Variants in FCRL5 observed in about 807,000 individuals in gnomAD.
FCRL5 encodes the protein Fc receptor-like protein 5.
FCRL5 carries 79 observed loss-of-function variants against 92.1 expected under a neutral mutation model. The observed-to-expected ratio is 0.86, with a 90% confidence interval of 0.72 to 1.03. The LOEUF is 1.03. FCRL5 is among the 50% of genes least tolerant of loss of function. The pLI is 0.00. For synonymous variants in FCRL5, 466 were observed against 469.3 expected (o/e 0.99, Z 0.09); for missense variants, 1,160 against 1,181.1 (o/e 0.98, Z 0.26).
intron 5 of FCRL5, 118 bp from the exon 6 acceptor site, chr1:157,543,255 CCA>C (rs1341524819): frequency 2.1e-6 from 2 of 959,502 alleles, no homozygotes; most frequent in Non-Finnish European, 3.1e-6. Flanking sequence ...GCCATCAGAA[CCA>C]CACACCCTTA....
At position 157,546,275 on chromosome 1, in the gene FCRL5, C is replaced by T. The variant is rs555672445; in HGVS notation, c.307+668G>A. The T allele has an allele frequency of 3.7e-5, 17 of 454,058 alleles. No homozygotes were observed. In the East Asian group the frequency reaches 1.2e-3, roughly 32 times the overall value. 28.1% of individuals were successfully genotyped at this position (454,058 alleles called of 1,614,324 possible). On this transcript the variant is annotated intron_variant, in intron 3 of 16. Transcript: ENST00000361835. ...TTAGCCTGGGCAGCATGAGGAAATC[C>T]CATCTCTGCTAAGAATACAAAAATT...
At position 157,518,878 on chromosome 1, in the gene FCRL5, G is replaced by T. The variant is rs901048584; in HGVS notation, c.2661-96C>A. ...AGTGACTTCTTACTGCAGGGTGGCTGCCAGGCCTGGAAACATGAACAAGTA... is the reference window on the plus strand; with the variant it reads ...AGTGACTTCTTACTGCAGGGTGGCTTCCAGGCCTGGAAACATGAACAAGTA... On this transcript the variant is annotated intron_variant, in intron 13 of 16. Transcript: ENST00000361835. The T allele has an allele frequency of 9.8e-6, 9 of 919,880 alleles. No homozygotes were observed. In the African/African-American group the frequency reaches 1.2e-4, roughly 12 times the overall value. 57.0% of individuals were successfully genotyped at this position (919,880 alleles called of 1,614,324 possible).
chr1:157,534,472 C>A (rs1466806029), intron 8 of FCRL5, 142 bp downstream of exon 8: 1 of 972,450 alleles, frequency 1.0e-6, no homozygotes, highest in South Asian at 1.4e-5. Context: ...CGGAAAACCC[C>A]AGCTAGTTAG....
intron 12 of FCRL5, among the ~76,000 whole-genome samples, chr1:157,519,992 T>A (rs1650103540): frequency 6.6e-6 from 1 of 152,230 alleles, no homozygotes; most frequent in Admixed American, 6.5e-5. Context: ...CGTAATCCTT[T>A]AACCTGGAGA....
intron 8 of FCRL5, chr1:157,534,263 AT>A (rs1650830014): frequency 1.5e-6 from 1 of 669,228 alleles, no homozygotes. Context: ...ATATTTATCT[AT>A]AAGACTGTGC....
At chr1:157,537,773 C>T (rs1260319731) in intron 7 of FCRL5, among the ~76,000 whole-genome samples, 1 of 152,144 alleles carries the variant, frequency 6.6e-6, no homozygotes, top group East Asian at 1.9e-4. Context: ...GACCAGCTGA[C>T]ACTTAGGGAA....
chr1:157,529,409 G>T (rs965865294), intron 8 of FCRL5, among the ~76,000 whole-genome samples: 20 of 152,120 alleles, frequency 1.3e-4, no homozygotes, highest in African/African-American at 4.8e-4. Flanking sequence ...AGAACTAAAA[G>T]TAGAACTACC....
chr1:157,521,977 A>G (rs113851024), intron 10 of FCRL5: 43 of 152,244 alleles, frequency 2.8e-4, no homozygotes, highest in African/African-American at 1.0e-3. Flanking sequence ...GAGACAACCT[A>G]CTGGATTGGG....
At chr1:157,524,252 T>A in intron 10 of FCRL5, 27 bp downstream of exon 10, 1 of 1,613,250 alleles carries the variant, frequency 6.2e-7, no homozygotes. Context: ...TTCTCAGATG[T>A]GCTGCTGGTG....
rs1403026160 is a variant in FCRL5 at position 157,520,533 on chromosome 1, T to C, written c.2530A>G (p.Arg844Gly). ...ACTCCTGTGGCAAAAGGGCCACTTCTGTTCGCGGTCAGCCCTGAGGGGGAG... is the reference window on the plus strand; with the variant it reads ...ACTCCTGTGGCAAAAGGGCCACTTCCGTTCGCGGTCAGCCCTGAGGGGGAG... ...TLYITGLTANRSGPFATGVAG... is the reference protein window; with the variant it reads ...TLYITGLTANGSGPFATGVAG... Residue 844 changes from arginine to glycine, a missense_variant, in exon 12 of 17, where the codon AGA (arginine) becomes GGA (glycine). Coordinates refer to ENST00000361835, the MANE Select transcript of FCRL5 (RefSeq NM_031281.3). 5 of 1,583,562 alleles carry C rather than the reference T, an allele frequency of 3.2e-6. No homozygotes were observed. The highest frequency in any genetic ancestry group is 3.4e-6 in the Non-Finnish European group (4 of 1,165,082).
In FCRL5 at chr1:157,549,542, A is replaced by G. The variant is rs1248596618; in HGVS notation, c.52+18T>C. The stretch of plus-strand genomic sequence containing the variant: ...TCTTAACCAGAGACGCTGAAGAGCC[A>G]AAGACAGGAGAACTCACCAAACTGT... On this transcript the variant is annotated intron_variant, in intron 2 of 16. Transcript: ENST00000361835. The G allele has an allele frequency of 1.2e-6, 2 of 1,611,202 alleles. No homozygotes were observed. The highest frequency in any genetic ancestry group is 1.7e-6 in the Non-Finnish European group (2 of 1,178,778).
At chr1:157,536,745 T>C (rs563885774) in intron 7 of FCRL5, among the ~76,000 whole-genome samples, 64 of 152,334 alleles carry the variant, frequency 4.2e-4, no homozygotes, top group African/African-American at 1.5e-3. Context: ...AATCCTCTTC[T>C]CCATCAGGTC....
At chr1:157,533,577 G>A (rs1247567643) in intron 8 of FCRL5, 1 of 152,054 alleles carries the variant, frequency 6.6e-6, no homozygotes. Flanking sequence ...GACCTACTGT[G>A]TGCCAAACAC....
intron 8 of FCRL5, 46 bp downstream of exon 8, chr1:157,534,568 G>A: frequency 6.2e-7 from 1 of 1,611,504 alleles, no homozygotes; most frequent in Non-Finnish European, 8.5e-7. Context: ...ATGGGTGAGA[G>A]AGAACTCAGC....
At chr1:157,524,185 A>G in intron 10 of FCRL5, 94 bp downstream of exon 10, 1 of 1,369,652 alleles carries the variant, frequency 7.3e-7, no homozygotes, top group South Asian at 1.4e-5. Flanking sequence ...ACAAGCAAAC[A>G]GCCCTGAGGA....
intron 2 of FCRL5, chr1:157,547,529 A>C (rs772545165): frequency 2.5e-6 from 1 of 401,096 alleles, no homozygotes; most frequent in African/African-American, 2.0e-5. Flanking sequence ...TCATACACTC[A>C]TAAGAAACTC....
intron 8 of FCRL5, 82 bp from the exon 9 acceptor site, chr1:157,527,977 G>A: frequency 7.1e-7 from 1 of 1,416,262 alleles, no homozygotes; most frequent in East Asian, 2.3e-5. Context: ...AATCAGACAA[G>A]AGAAAGAAAT....
chr1:157,530,721 A>G (rs4971129), intron 8 of FCRL5, among the ~76,000 whole-genome samples: 2 of 152,358 alleles, frequency 1.3e-5, no homozygotes, highest in East Asian at 1.9e-4. Flanking sequence ...TAATACATTT[A>G]AGCATTTTCC....
intron 12 of FCRL5, 32 bp from the exon 13 acceptor site, chr1:157,519,802 A>C: frequency 6.2e-7 from 1 of 1,612,688 alleles, no homozygotes; most frequent in Middle Eastern, 1.7e-4. Flanking sequence ...CATTGGATTC[A>C]GGAAGATGAG....
Sources: gnomAD v4.1 joint callset for allele counts (sites outside exome capture counted in the v4.1 genomes callset) on GRCh38, gnomAD v4.1.1 for gene constraint, MANE v1.5 for transcripts, NCBI Gene and HGNC (gene_info 2026-07-23, HGNC 2026-07-21) for gene names.